CADM1: variants seen among roughly 807,000 people sequenced by gnomAD.
The protein encoded by CADM1 is cell adhesion molecule 1, also known as TSLC-1.
A neutral mutation model predicts 53.1 loss-of-function variants in CADM1; 15 were observed. The observed-to-expected ratio is 0.28, with a 90% confidence interval of 0.19 to 0.44. CADM1 has a LOEUF of 0.44. Ranked by LOEUF, CADM1 falls within the 20% of genes least tolerant of loss-of-function variation. CADM1 has a pLI of 1.00. For missense variants in CADM1, 434 were observed against 611.3 expected, an observed-to-expected ratio of 0.71 and a Z score of 3.06; for synonymous variants, 281 against 243.0, an observed-to-expected ratio of 1.16 and a Z score of -1.45.
At chr11:115,423,228 C>T (rs547876975) in intron 1 of CADM1, among the ~76,000 whole-genome samples, 56 of 152,258 alleles carry the variant, frequency 3.7e-4, no homozygotes, top group African/African-American at 1.3e-3. Context: ...GACAAAATCA[C>T]AGAACATGCA....
At chr11:115,422,157 G>A (rs1051799955) in intron 1 of CADM1, among the ~76,000 whole-genome samples, 3 of 152,138 alleles carry the variant, frequency 2.0e-5, no homozygotes, top group Non-Finnish European at 2.9e-5. Context: ...CAAGATAAAC[G>A]AGTTTAACTG....
chr11:115,372,983 A>C (rs1343805592), intron 1 of CADM1, among the ~76,000 whole-genome samples: 1 of 152,220 alleles, frequency 6.6e-6, no homozygotes, highest in African/African-American at 2.4e-5. Context: ...GCCTAAGAGG[A>C]AAGAAAAGGA....
At chr11:115,443,477 A>G (rs1469142607) in intron 1 of CADM1, among the ~76,000 whole-genome samples, 4 of 152,176 alleles carry the variant, frequency 2.6e-5, no homozygotes, top group Admixed American at 1.3e-4. Flanking sequence ...CTCTCTCTGG[A>G]GTTCTTAATA....
chr11:115,440,020 C>CA (rs1265248898), intron 1 of CADM1, among the ~76,000 whole-genome samples: 1 of 152,172 alleles, frequency 6.6e-6, no homozygotes, highest in Non-Finnish European at 1.5e-5. Context: ...CAGGATTTGC[C>CA]AGGGCAGGCT....
In CADM1 at chr11:115,438,254, G is replaced by A. The variant is rs535779491; in HGVS notation, c.124+66017C>T. ...GCTTGTGTTCTGCTTGGTCCATTTT[G>A]GGATAAGCATTCTATTCCTGAATAG... On this transcript the variant is annotated intron_variant, in intron 1 of 11. Coordinates refer to ENST00000331581, the MANE Select transcript of CADM1 (RefSeq NM_001301043.2). Among the ~76,000 whole-genome samples, 6 of 152,086 alleles carry A rather than the reference G, an allele frequency of 3.9e-5. No homozygotes were observed. In the East Asian group the frequency reaches 1.2e-3, roughly 29 times the overall value.
At chr11:115,294,115 C>T (rs1591679792) in intron 1 of CADM1, among the ~76,000 whole-genome samples, 2 of 152,300 alleles carry the variant, frequency 1.3e-5, no homozygotes, top group East Asian at 3.9e-4. Context: ...CAGGACAATG[C>T]TCAGATGGCT....
intron 1 of CADM1, among the ~76,000 whole-genome samples, chr11:115,447,892 G>A (rs1948487060): frequency 6.6e-6 from 1 of 152,186 alleles, no homozygotes; most frequent in Admixed American, 6.5e-5. Flanking sequence ...CTCAGCTTGG[G>A]AAAGGTGTTC....
At chr11:115,387,063 T>G (rs1439341431) in intron 1 of CADM1, among the ~76,000 whole-genome samples, 2 of 152,210 alleles carry the variant, frequency 1.3e-5, no homozygotes, top group Non-Finnish European at 2.9e-5. Context: ...TGTCGTGAAG[T>G]GCCTGTCACT....
intron 1 of CADM1, among the ~76,000 whole-genome samples, chr11:115,417,832 G>A (rs372390109): frequency 1.3e-5 from 2 of 152,114 alleles, no homozygotes; most frequent in Non-Finnish European, 2.9e-5. Context: ...GTGAAACCAT[G>A]GGCAAGCGGG....
At chr11:115,330,716 G>A (rs149253464) in intron 1 of CADM1, among the ~76,000 whole-genome samples, 6 of 152,142 alleles carry the variant, frequency 3.9e-5, no homozygotes, top group East Asian at 3.9e-4. Flanking sequence ...ACTAGTGACC[G>A]CATGTAGACG....
chr11:115,286,275 T>C (rs1465053008), intron 1 of CADM1, among the ~76,000 whole-genome samples: 1 of 152,166 alleles, frequency 6.6e-6, no homozygotes, highest in Non-Finnish European at 1.5e-5. Flanking sequence ...CAAGGGCTAA[T>C]ATAATACTAC....
chr11:115,471,867 T>C (rs1158905930), intron 1 of CADM1, among the ~76,000 whole-genome samples: 2 of 152,112 alleles, frequency 1.3e-5, no homozygotes, highest in South Asian at 4.2e-4. Flanking sequence ...CCAGTGGTCA[T>C]AAAACAAGAA....
rs372594262 is a variant in CADM1, at chr11:115,400,661, GTATATATATATATATA to G, written c.124+103594_124+103609del. On this transcript the variant is annotated intron_variant, in intron 1 of 11. Transcript: ENST00000331581. Reference sequence around the variant, plus strand: ...TATATGTGTGTGTGTGTGTGTGTGTGTATATATATATATATATATATATATATATATATATATATAT... The same window carrying G: ...TATATGTGTGTGTGTGTGTGTGTGTGTATATATATATATATATATATATAT... Among the ~76,000 whole-genome samples the G allele has an allele frequency of 8.0e-3, 373 of 46,534 alleles. 3 individuals carry two copies. The highest frequency in any genetic ancestry group is 0.02 in the Middle Eastern group (2 of 98). 30.5% of individuals were successfully genotyped at this position (46,534 alleles called of 152,430 possible).
At chr11:115,285,028 C>T (rs763103543) in intron 1 of CADM1, among the ~76,000 whole-genome samples, 29 of 152,148 alleles carry the variant, frequency 1.9e-4, no homozygotes, top group Admixed American at 1.4e-3. Context: ...CTCAATGCTG[C>T]CTGACAGTAT....
At chr11:115,266,710 G>T (rs1943150154) in intron 1 of CADM1, among the ~76,000 whole-genome samples, 1 of 152,170 alleles carries the variant, frequency 6.6e-6, no homozygotes, top group Non-Finnish European at 1.5e-5. Flanking sequence ...AGCTCAGTAA[G>T]CTCTTTCAAA....
chr11:115,267,367 A>G (rs1943170412), intron 1 of CADM1, among the ~76,000 whole-genome samples: 2 of 152,204 alleles, frequency 1.3e-5, no homozygotes, highest in Non-Finnish European at 2.9e-5. Context: ...AGCCTTTTCC[A>G]CAAGCCAAGA....
chr11:115,289,724 T>C (rs1943835632), intron 1 of CADM1, among the ~76,000 whole-genome samples: 1 of 151,018 alleles, frequency 6.6e-6, no homozygotes, highest in Non-Finnish European at 1.5e-5. Context: ...GCTTCCCGAG[T>C]AGCTGGGACT....
chr11:115,305,215 A>C (rs953166099), intron 1 of CADM1, among the ~76,000 whole-genome samples: 1 of 151,980 alleles, frequency 6.6e-6, no homozygotes, highest in East Asian at 1.9e-4. Flanking sequence ...ATAGAAAAAA[A>C]TTAGATTCTA....
Position 115,175,529 on chromosome 11 carries a change from C to G in CADM1, c.*945G>C, listed in dbSNP as rs559831323. ...AACCAGAGCAGAACTGTATTTCCCC[C>G]CTCCCTACTTCCCCTCCTGTGGCAA... is the stretch of plus-strand genomic sequence containing the variant. On this transcript the variant is annotated 3_prime_UTR_variant, in exon 12 of 12. Coordinates refer to ENST00000331581, the MANE Select transcript of CADM1 (RefSeq NM_001301043.2). 29 of 985,502 alleles carry G rather than the reference C, an allele frequency of 2.9e-5. No homozygotes were observed. The South Asian group carries it at 1.2e-3, about 42-fold the overall frequency. 61.0% of individuals were successfully genotyped at this position (985,502 alleles called of 1,614,324 possible). A position where few individuals can be genotyped will look rare whatever the true frequency, so the allele number is the denominator to read the frequency against.
Sources: gnomAD v4.1 joint callset for allele counts (sites outside exome capture counted in the v4.1 genomes callset) on GRCh38, gnomAD v4.1.1 for gene constraint, MANE v1.5 for transcripts, NCBI Gene and HGNC (gene_info 2026-07-23, HGNC 2026-07-21) for gene names.